Variants in NBEA observed in about 807,000 individuals in gnomAD.
The protein encoded by NBEA is neurobeachin.
NBEA carries 44 observed loss-of-function variants against 343.4 expected under a neutral mutation model. The observed-to-expected ratio is 0.13, with a 90% CI of 0.10 to 0.16. The LOEUF is 0.16. Ranked by LOEUF, NBEA falls within the 10% of genes least tolerant of loss-of-function variation. NBEA has a pLI of 1.00. For synonymous variants in NBEA, 1,175 were observed against 1,238.7 expected, an observed-to-expected ratio of 0.95 and a Z score of 1.08; for missense variants, 2,555 against 3,631.3, an observed-to-expected ratio of 0.70 and a Z score of 7.62.
chr13:35,351,375 T>C, intron 37 of NBEA, among the ~76,000 whole-genome samples: 1 of 152,090 alleles, frequency 6.6e-6, no homozygotes, highest in Middle Eastern at 3.4e-3. Flanking sequence ...AGAATCAAAT[T>C]TATAATTAAA....
intron 30 of NBEA, among the ~76,000 whole-genome samples, chr13:35,195,554 G>T (rs1403267299): frequency 6.6e-6 from 1 of 151,816 alleles, no homozygotes; most frequent in Non-Finnish European, 1.5e-5. Flanking sequence ...ATCCCACCGT[G>T]CCTAGCTTAT....
At chr13:35,670,674 A>G (rs1031086204) in intron 58 of NBEA, among the ~76,000 whole-genome samples, 16 of 152,234 alleles carry the variant, frequency 1.1e-4, no homozygotes, top group African/African-American at 3.9e-4. Flanking sequence ...CACGCTCTGC[A>G]GCAGGGCTGG....
At chr13:35,574,043 G>A (rs1341868035) in intron 45 of NBEA, among the ~76,000 whole-genome samples, 2 of 152,032 alleles carry the variant, frequency 1.3e-5, no homozygotes, top group African/African-American at 2.4e-5. Context: ...ACTGTTTGTA[G>A]GTGAAAGTAT....
chr13:35,445,814 ATATG>A (rs1171070499), intron 39 of NBEA, among the ~76,000 whole-genome samples: 14 of 103,696 alleles, frequency 1.4e-4, no homozygotes, highest in South Asian at 1.2e-3. Flanking sequence ...ATATATATAT[ATATG>A]TATATATATA....
chr13:35,153,926 A>G (rs2068970735), intron 18 of NBEA, among the ~76,000 whole-genome samples: 1 of 152,204 alleles, frequency 6.6e-6, no homozygotes, highest in African/African-American at 2.4e-5. Context: ...TTATACGTAT[A>G]TACCAAGCAA....
At chr13:35,158,932 T>C in intron 21 of NBEA, 84 bp from the exon 22 acceptor site, 2 of 1,228,262 alleles carry the variant, frequency 1.6e-6, no homozygotes, top group South Asian at 1.8e-5. Flanking sequence ...ATTTTTTCTA[T>C]TTCCACAATT....
At chr13:35,554,954 G>A (rs975270488) in intron 43 of NBEA, 33 bp from the exon 44 acceptor site, 22 of 1,127,500 alleles carry the variant, frequency 2.0e-5, no homozygotes, top group Non-Finnish European at 2.7e-5. Flanking sequence ...GAATTAAAGA[G>A]ACTATGTTTG....
intron 13 of NBEA, among the ~76,000 whole-genome samples, chr13:35,113,864 G>A (rs897487176): frequency 6.6e-6 from 1 of 152,102 alleles, no homozygotes; most frequent in African/African-American, 2.4e-5. Context: ...TGGCTTCATG[G>A]ATTTAGTCCT....
intron 1 of NBEA, among the ~76,000 whole-genome samples, chr13:35,003,674 G>T (rs2061221653): frequency 6.6e-6 from 1 of 151,874 alleles, no homozygotes; most frequent in Non-Finnish European, 1.5e-5. Context: ...ATGTAGTTTG[G>T]GAACATTACA....
chr13:35,638,081 G>A (rs1593437075), intron 49 of NBEA, among the ~76,000 whole-genome samples: 1 of 152,236 alleles, frequency 6.6e-6, no homozygotes, highest in East Asian at 1.9e-4. Flanking sequence ...CATAGAGAAA[G>A]AAAGTGGAAT....
chr13:35,491,427 C>T (rs2076495153), intron 41 of NBEA, among the ~76,000 whole-genome samples: 1 of 151,948 alleles, frequency 6.6e-6, no homozygotes, highest in Non-Finnish European at 1.5e-5. Flanking sequence ...ATATAAGATG[C>T]ATTTCAAACT....
At chr13:35,133,901 G>A (rs999485457) in intron 17 of NBEA, among the ~76,000 whole-genome samples, 4 of 151,800 alleles carry the variant, frequency 2.6e-5, no homozygotes, top group Non-Finnish European at 4.4e-5. Flanking sequence ...TAAGTTGGTT[G>A]GTGGTTACAT....
intron 36 of NBEA, among the ~76,000 whole-genome samples, chr13:35,339,492 A>G (rs1297986781): frequency 6.6e-6 from 1 of 152,132 alleles, no homozygotes; most frequent in East Asian, 1.9e-4. Flanking sequence ...TCAAAAGTAC[A>G]ATAAGCTACC....
intron 56 of NBEA, among the ~76,000 whole-genome samples, chr13:35,666,679 C>T (rs994617154): frequency 9.2e-5 from 14 of 152,130 alleles, no homozygotes; most frequent in African/African-American, 3.4e-4. Context: ...AGATATATAA[C>T]ACCAAACTAT....
In NBEA at chr13:35,551,006, G is replaced by A; in HGVS notation, c.6780G>A (p.Gly2260=). The A allele has an allele frequency of 6.2e-7, 1 of 1,605,392 alleles. No individual in the cohort carries two copies. The highest frequency in any genetic ancestry group is 8.5e-7 in the Non-Finnish European group (1 of 1,172,898). ...ATAGCTTGCCTCGGGTTGGAGTAGG[G>A]ACCAGCTATGGTCTGCCACAAGCCA... ...VVYSLPRVGV[G]TSYGLPQARR... is the part of the protein sequence containing the mutation. Residue 2260 remains glycine, a synonymous_variant, in exon 43 of 59, where the codon GGG becomes GGA. Transcript: ENST00000379939.
At position 34,982,982 on chromosome 13, in the gene NBEA, ATTGT is replaced by A. The variant is rs572963243; in HGVS notation, c.294+39870_294+39873del. On this transcript the variant is annotated intron_variant, in intron 1 of 58. Coordinates refer to ENST00000379939, the MANE Select transcript of NBEA (RefSeq NM_001385012.1). ...TTCTTAGCAATTGTGTGCACATTTG[ATTGT>A]TATCTGTTCCTCAGGAATTGACCTT... Among the ~76,000 whole-genome samples, 36 of 151,942 alleles carry A rather than the reference ATTGT, an allele frequency of 2.4e-4. 1 individual carries two copies. The South Asian group carries it at 7.3e-3, about 31-fold the overall frequency.
intron 41 of NBEA, among the ~76,000 whole-genome samples, chr13:35,545,800 G>A (rs191513247): frequency 3.0e-4 from 45 of 152,226 alleles, no homozygotes; most frequent in African/African-American, 1.1e-3. Flanking sequence ...AAGTTCCATG[G>A]TAGTGCAAAT....
At chr13:35,319,797 T>C (rs1174993699) in intron 36 of NBEA, among the ~76,000 whole-genome samples, 2 of 152,194 alleles carry the variant, frequency 1.3e-5, no homozygotes, top group African/African-American at 4.8e-5. Flanking sequence ...CATATATGTT[T>C]AGGATAGTTA....
chr13:35,381,419 T>C (rs2042007917), intron 38 of NBEA, among the ~76,000 whole-genome samples: 1 of 152,128 alleles, frequency 6.6e-6, no homozygotes, highest in African/African-American at 2.4e-5. Context: ...TAGGTAATTA[T>C]AATATTAATA....
Sources: allele counts gnomAD v4.1 joint callset (sites outside exome capture counted in the v4.1 genomes callset), GRCh38; gene constraint gnomAD v4.1.1; transcripts MANE v1.5; gene names NCBI Gene and HGNC (gene_info 2026-07-23, HGNC 2026-07-21).